The following KCTD21 variants were observed in gnomAD, a reference collection of about 807,000 sequenced individuals.
KCTD21 encodes potassium channel tetramerization domain containing 21.
A neutral mutation model predicts 13.2 loss-of-function variants in KCTD21; 9 were observed. The ratio of observed to expected loss-of-function variants is 0.68; its 90% CI spans 0.41 to 1.19. KCTD21 has a LOEUF of 1.19. Ranked by LOEUF, KCTD21 falls within the 50% of genes most tolerant of loss-of-function variation. KCTD21 has a pLI of 0.01. For missense variants in KCTD21, 303 were observed against 336.5 expected (o/e 0.90, Z 0.78); for synonymous variants, 142 against 137.4 (o/e 1.03, Z -0.23).
At chr11:78,187,991 A>C in intron 1 of KCTD21, 1 of 985,392 alleles carries the variant, frequency 1.0e-6, no homozygotes, top group African/African-American at 1.7e-5. Context: ...CAATGAGATC[A>C]CTGGTGTGCC....
chr11:78,173,621 T>C lies in KCTD21; in HGVS notation c.*151A>G. On this transcript the variant is annotated 3_prime_UTR_variant, in exon 2 of 2. Transcript: ENST00000340067. ...TCAGAGGACACTGGATTCCAAAAGG[T>C]GGACTTCATCATGGGGGGAATCAAG... The C allele has an allele frequency of 1.4e-6, 1 of 709,912 alleles. No homozygotes were observed. The highest frequency in any genetic ancestry group is 2.5e-5 in the Admixed American group (1 of 40,446). 44.0% of individuals were successfully genotyped at this position (709,912 alleles called of 1,614,324 possible). A position where few individuals can be genotyped will look rare whatever the true frequency, so the allele number is the denominator to read the frequency against.
In KCTD21 at chr11:78,173,685, G is replaced by A. The variant is rs998027602; in HGVS notation, c.*87C>T. ...TTAATACAGATTAGTATAGTCCCCTGCCTCGCACCACTGGCGAGATGCCCT... is the reference window on the plus strand; with the variant it reads ...TTAATACAGATTAGTATAGTCCCCTACCTCGCACCACTGGCGAGATGCCCT... On this transcript the variant is annotated 3_prime_UTR_variant, in exon 2 of 2. Coordinates refer to ENST00000340067, the MANE Select transcript of KCTD21 (RefSeq NM_001029859.3). The A allele has an allele frequency of 3.7e-6, 4 of 1,081,050 alleles. No individual in the cohort carries two copies. In the African/African-American group the frequency reaches 6.3e-5, roughly 17 times the overall value. 67.0% of individuals were successfully genotyped at this position (1,081,050 alleles called of 1,614,324 possible).
Position 78,172,704 on chromosome 11 carries a change from G to C in KCTD21, c.*1068C>G, listed in dbSNP as rs1862311084. 6.6e-6 allele frequency: 1 copy of C among 152,286 alleles called. No individual in the cohort carries two copies. Among genetic ancestry groups the C allele is most frequent in the Admixed American group, 6.5e-5 (1 of 15,280 alleles). The allele number at this position is 152,286 out of a possible 1,614,324, so 9.4% of individuals were successfully genotyped here. A position where few individuals can be genotyped will look rare whatever the true frequency, so the allele number is the denominator to read the frequency against. On this transcript the variant is annotated 3_prime_UTR_variant, in exon 2 of 2. Transcript: ENST00000340067. Reference sequence around the variant, plus strand: ...AAGGTCTGCAACCAAGATCCAGCAAGTGGCAGGACAGATTTTGGCTCAATA... The same window carrying C: ...AAGGTCTGCAACCAAGATCCAGCAACTGGCAGGACAGATTTTGGCTCAATA...
In KCTD21 at chr11:78,174,521, T is replaced by TC. The variant is rs750277188; in HGVS notation, c.33dup (p.Lys12GlufsTer15). 1 of 1,612,110 alleles carries TC rather than the reference T, an allele frequency of 6.2e-7. No homozygotes were observed. Among genetic ancestry groups the TC allele is most frequent in the Non-Finnish European group, 8.5e-7 (1 of 1,179,138 alleles). ...GTCGCCAGTGAGGTTGTATAGAGCT[T>TC]CCCCCCGACGTTCAGCGTGATGGGG... On this transcript the variant is annotated frameshift_variant, in exon 2 of 2. Transcript: ENST00000340067. LOFTEE classifies it high-confidence loss of function.
Position 78,172,908 on chromosome 11 carries a change from G to A in KCTD21, c.*864C>T, listed in dbSNP as rs957687155. The A allele has an allele frequency of 1.5e-4, 23 of 152,580 alleles. No homozygotes were observed. Among genetic ancestry groups the A allele is most frequent in the Non-Finnish European group, 3.4e-4 (23 of 68,028 alleles). The allele number at this position is 152,580 out of a possible 1,614,324, so 9.5% of individuals were successfully genotyped here. A position where few individuals can be genotyped will look rare whatever the true frequency, so the allele number is the denominator to read the frequency against. ...TGTTCTAGGGGTGGGGGAGGACTAA[G>A]CAATCATCGAATTATTTCCAACCCT... On this transcript the variant is annotated 3_prime_UTR_variant, in exon 2 of 2. Transcript: ENST00000340067.
intron 1 of KCTD21, among the ~76,000 whole-genome samples, chr11:78,184,477 T>C (rs1343151407): frequency 6.6e-6 from 1 of 151,810 alleles, no homozygotes; most frequent in African/African-American, 2.4e-5. Flanking sequence ...GCTGGGAGTA[T>C]AGGCACACAC....
intron 1 of KCTD21, among the ~76,000 whole-genome samples, chr11:78,184,329 C>CTATTTATT (rs532305114): frequency 2.6e-5 from 4 of 151,990 alleles, no homozygotes; most frequent in African/African-American, 7.3e-5. Flanking sequence ...TGGAGAAGCT[C>CTATTTATT]TATTTATTTA....
chr11:78,177,593 C>T (rs1565383788), intron 1 of KCTD21: 1 of 152,102 alleles, frequency 6.6e-6, no homozygotes, highest in Non-Finnish European at 1.5e-5. Flanking sequence ...TTCCCTGTTG[C>T]CCTCTTTGTA....
intron 1 of KCTD21, among the ~76,000 whole-genome samples, chr11:78,181,302 A>C (rs1308847970): frequency 2.0e-5 from 3 of 152,240 alleles, no homozygotes; most frequent in Non-Finnish European, 4.4e-5. Context: ...CAGTACATCC[A>C]TACAATAGAA....
chr11:78,179,019 G>A (rs1043662641), intron 1 of KCTD21, among the ~76,000 whole-genome samples: 4 of 152,076 alleles, frequency 2.6e-5, no homozygotes, highest in African/African-American at 9.6e-5. Context: ...TAAATCCTTC[G>A]TCCAGATAAG....
intron 1 of KCTD21, among the ~76,000 whole-genome samples, chr11:78,184,997 C>T (rs1315274155): frequency 6.6e-6 from 1 of 152,178 alleles, no homozygotes; most frequent in African/African-American, 2.4e-5. Context: ...CTTTGCTTCC[C>T]AAAGTGCTGG....
intron 1 of KCTD21, chr11:78,186,740 C>T (rs1862786209): frequency 2.0e-6 from 2 of 985,400 alleles, no homozygotes; most frequent in South Asian, 9.4e-5. Flanking sequence ...CTGCCATCCC[C>T]TCTGCCTGGA....
intron 1 of KCTD21, chr11:78,187,797 CTT>C (rs1862835669): frequency 1.0e-6 from 1 of 985,336 alleles, no homozygotes; most frequent in Non-Finnish European, 1.2e-6. Flanking sequence ...GGCATCAAAA[CTT>C]TTCTTTCCTG....
At chr11:78,188,398 C>G (rs987519056) in intron 1 of KCTD21, 175 bp downstream of exon 1, 32 of 985,554 alleles carry the variant, frequency 3.2e-5, no homozygotes, top group Admixed American at 6.1e-5. Context: ...CTTCGGCTCA[C>G]CTCGCTCCGA....
At position 78,172,512 on chromosome 11, in the gene KCTD21, T is replaced by C. The variant is rs1862307305; in HGVS notation, c.*1260A>G. 6.6e-6 allele frequency: 1 copy of C among 151,978 alleles called. No individual in the cohort carries two copies. The highest frequency in any genetic ancestry group is 2.1e-4 in the South Asian group (1 of 4,816). The allele number at this position is 151,978 out of a possible 1,614,324, so 9.4% of individuals were successfully genotyped here. On this transcript the variant is annotated 3_prime_UTR_variant, in exon 2 of 2. Transcript: ENST00000340067. ...GTGGGGGTCACAAACGAGGTGAAGC[T>C]ACAACAAAAGGGGACTGACTTACAG...
rs753576058 is a variant in KCTD21 at position 78,174,312 on chromosome 11, GCGGAGCAGCCCCATCTC to G, written c.226_242del (p.Glu76GlnfsTer13). 3 of 1,614,028 alleles carry G rather than the reference GCGGAGCAGCCCCATCTC, an allele frequency of 1.9e-6. No individual in the cohort carries two copies. In the African/African-American group the frequency reaches 4.0e-5, roughly 22 times the overall value. The stretch of plus-strand genomic sequence containing the variant: ...GCACCTGGTAGAAGTCGGCCTCCCT[GCGGAGCAGCCCCATCTC>G]CTGGAAGTCCTCAGGCAGGTCAAGG... On this transcript the variant is annotated frameshift_variant, in exon 2 of 2. Transcript: ENST00000340067. LOFTEE classifies it high-confidence loss of function.
Position 78,174,567 on chromosome 11 carries a change from G to C in KCTD21, c.-13C>G, listed in dbSNP as rs74890675. ...TGGGGTCGGACATGGCAGGAGACTG[G>C]GTTGCTGGAAGTAGTCCTGGAGAGG... On this transcript the variant is annotated 5_prime_UTR_variant, in exon 2 of 2. Transcript: ENST00000340067. 6,216 of 1,600,846 alleles carry C rather than the reference G, an allele frequency of 3.9e-3. 188 individuals are homozygous for C. The African/African-American group carries it at 0.067, about 17-fold the overall frequency.
intron 1 of KCTD21, among the ~76,000 whole-genome samples, chr11:78,176,489 G>C (rs1862452762): frequency 6.6e-6 from 1 of 152,202 alleles, no homozygotes; most frequent in Admixed American, 6.5e-5. Flanking sequence ...CTCAGCTCCA[G>C]CTTCCAACAC....
intron 1 of KCTD21, chr11:78,187,306 A>G: frequency 2.0e-6 from 2 of 985,366 alleles, no homozygotes; most frequent in Non-Finnish European, 2.4e-6. Flanking sequence ...AGCTGCGTCT[A>G]TAATTCTGTC....
Sources: gnomAD v4.1 joint callset for allele counts (sites outside exome capture counted in the v4.1 genomes callset) on GRCh38, gnomAD v4.1.1 for gene constraint, MANE v1.5 for transcripts, NCBI Gene and HGNC (gene_info 2026-07-23, HGNC 2026-07-21) for gene names.